LRP1B: variants seen among roughly 807,000 people sequenced by gnomAD.
LRP1B encodes the protein LDL receptor related protein 1B.
Under a neutral mutation model 556.6 loss-of-function variants are expected in LRP1B, and 217 were observed. That is an observed-to-expected ratio of 0.39 (90% confidence interval 0.35 to 0.44). LRP1B has a LOEUF of 0.44. Among genes scored for constraint, LRP1B ranks in the 20% least tolerant of loss-of-function variants. LRP1B has a pLI of 1.00. For missense variants in LRP1B, 5,053 were observed against 5,620.8 expected (o/e 0.90, Z 3.23); for synonymous variants, 2,047 against 1,865.8 (o/e 1.10, Z -2.50).
At chr2:141,572,632 T>C (rs1224093966) in intron 2 of LRP1B, among the ~76,000 whole-genome samples, 2 of 152,168 alleles carry the variant, frequency 1.3e-5, no homozygotes, top group Non-Finnish European at 2.9e-5. Context: ...AGACACAGAC[T>C]GGCAAATTGT....
chr2:141,327,780 T>G (rs1216994633), intron 3 of LRP1B, among the ~76,000 whole-genome samples: 1 of 152,088 alleles, frequency 6.6e-6, no homozygotes, highest in East Asian at 1.9e-4. Context: ...TAGGCTGTAG[T>G]TTGGAAGCAT....
intron 1 of LRP1B, among the ~76,000 whole-genome samples, chr2:141,812,686 A>G (rs1321140079): frequency 6.6e-6 from 1 of 152,106 alleles, no homozygotes; most frequent in Non-Finnish European, 1.5e-5. Context: ...GCCATGGAAA[A>G]TACTTAAGAA....
At position 140,536,474 on chromosome 2, in the gene LRP1B, A is replaced by G. The variant is rs1690977829; in HGVS notation, c.7642+107T>C. ...TGCCTTAGATACAGGTTAATGAGAG[A>G]CATTAAATAAATTATCCACGTAAAC... On this transcript the variant is annotated intron_variant, in intron 46 of 90. Coordinates refer to ENST00000389484, the MANE Select transcript of LRP1B (RefSeq NM_018557.3). The G allele has an allele frequency of 7.6e-6, 8 of 1,056,914 alleles. No homozygotes were observed. In the South Asian group the frequency reaches 1.0e-4, roughly 14 times the overall value. The allele number at this position is 1,056,914 out of a possible 1,614,324, so 65.5% of individuals were successfully genotyped here. A position where few individuals can be genotyped will look rare whatever the true frequency, so the allele number is the denominator to read the frequency against.
At chr2:141,017,706 T>C (rs2105393021) in intron 12 of LRP1B, among the ~76,000 whole-genome samples, 1 of 151,838 alleles carries the variant, frequency 6.6e-6, no homozygotes, top group Middle Eastern at 3.4e-3. Context: ...CTTAAATATA[T>C]ATTGTGGGCC....
At position 140,345,879 on chromosome 2, in the gene LRP1B, A is replaced by ATAT. The variant is rs1426120597; in HGVS notation, c.11892+4917_11892+4918insATA. ...ACACACACATATATATATATATATAAAAAAAATAGCATTACTTCTTTCTCA... is the reference window on the plus strand; with the variant it reads ...ACACACACATATATATATATATATAATATAAAAAATAGCATTACTTCTTTCTCA... On this transcript the variant is annotated intron_variant, in intron 77 of 90. Coordinates refer to ENST00000389484, the MANE Select transcript of LRP1B (RefSeq NM_018557.3). Among the ~76,000 whole-genome samples the ATAT allele has an allele frequency of 7.0e-3, 965 of 137,436 alleles. 23 individuals carry two copies. Among genetic ancestry groups the ATAT allele is most frequent in the African/African-American group, 0.017 (632 of 37,390 alleles). 90.2% of individuals were successfully genotyped at this position (137,436 alleles called of 152,430 possible). A position where few individuals can be genotyped will look rare whatever the true frequency, so the allele number is the denominator to read the frequency against.
At chr2:141,341,778 T>C (rs1688064471) in intron 3 of LRP1B, among the ~76,000 whole-genome samples, 1 of 152,178 alleles carries the variant, frequency 6.6e-6, no homozygotes, top group African/African-American at 2.4e-5. Context: ...TTTTAAAAGA[T>C]GTCAGCATCA....
intron 3 of LRP1B, among the ~76,000 whole-genome samples, chr2:141,451,908 C>A (rs4132921): frequency 0.42 from 64,277 of 151,898 alleles, 14,873 homozygotes; most frequent in East Asian, 0.67. Context: ...AAAAACAATA[C>A]ATTCAGTTTT....
At chr2:141,466,592 T>C (rs892991640) in intron 3 of LRP1B, among the ~76,000 whole-genome samples, 1 of 152,150 alleles carries the variant, frequency 6.6e-6, no homozygotes, top group Admixed American at 6.6e-5. Context: ...GAAAGCTCCT[T>C]AAGAAGAAAA....
intron 11 of LRP1B, among the ~76,000 whole-genome samples, chr2:141,024,139 A>C (rs949607850): frequency 3.9e-5 from 6 of 152,010 alleles, no homozygotes; most frequent in African/African-American, 7.2e-5. Flanking sequence ...TGAGGGAATG[A>C]CATTGATTTA....
intron 1 of LRP1B, among the ~76,000 whole-genome samples, chr2:142,093,486 C>A (rs1027161441): frequency 6.6e-6 from 1 of 152,072 alleles, no homozygotes; most frequent in African/African-American, 2.4e-5. Flanking sequence ...AGGGAATAAA[C>A]GTGATAGGCA....
intron 8 of LRP1B, 81 bp from the exon 9 acceptor site, chr2:141,059,135 G>T: frequency 1.1e-6 from 1 of 904,570 alleles, no homozygotes; most frequent in Non-Finnish European, 1.6e-6. Flanking sequence ...CTATTTACTA[G>T]TATGGAAAAT....
chr2:140,664,297 G>A (rs933973323), intron 41 of LRP1B, among the ~76,000 whole-genome samples: 2 of 152,182 alleles, frequency 1.3e-5, no homozygotes, highest in Admixed American at 6.5e-5. Context: ...CATGACCTTC[G>A]ACATGCAAAA....
chr2:140,346,398 A>C (rs1346191949), intron 77 of LRP1B, among the ~76,000 whole-genome samples: 1 of 151,838 alleles, frequency 6.6e-6, no homozygotes, highest in Non-Finnish European at 1.5e-5. Context: ...TTTTGACTAG[A>C]TCATAACTGT....
intron 11 of LRP1B, among the ~76,000 whole-genome samples, chr2:141,034,685 A>C (rs1698478126): frequency 6.7e-6 from 1 of 150,134 alleles, no homozygotes; most frequent in Admixed American, 6.6e-5. Flanking sequence ...TAGAATGGCA[A>C]TCATTAAAAA....
chr2:141,467,841 G>C (rs1682298640), intron 3 of LRP1B, among the ~76,000 whole-genome samples: 1 of 106,286 alleles, frequency 9.4e-6, no homozygotes. Flanking sequence ...TTGCGGACCG[G>C]GGGGGGGGGA....
intron 43 of LRP1B, among the ~76,000 whole-genome samples, chr2:140,544,944 C>A (rs1049352104): frequency 2.6e-5 from 4 of 151,972 alleles, no homozygotes; most frequent in East Asian, 3.9e-4. Flanking sequence ...TCTCTACAAC[C>A]TTGGCAGCAT....
rs74376371 is a variant in LRP1B, at chr2:141,583,250, C to T, written c.206-102717G>A. 6.1e-3 allele frequency among the ~76,000 whole-genome samples: 932 copies of T among 152,148 alleles called. 8 individuals are homozygous for T. The highest frequency in any genetic ancestry group is 0.022 in the African/African-American group (898 of 41,516). On this transcript the variant is annotated intron_variant, in intron 2 of 90. Transcript: ENST00000389484. Reference sequence around the variant, plus strand: ...TTGTATGGAAATCTGGAATGAGTAGCAAGCTGAATATAAATGAATAAAGCA... The same window carrying T: ...TTGTATGGAAATCTGGAATGAGTAGTAAGCTGAATATAAATGAATAAAGCA...
chr2:141,810,926 T>C (rs150352360), intron 1 of LRP1B, among the ~76,000 whole-genome samples: 2 of 152,164 alleles, frequency 1.3e-5, no homozygotes, highest in African/African-American at 4.8e-5. Flanking sequence ...CACAGTATTT[T>C]CTTTTTTTTT....
chr2:141,727,851 G>GT (rs1693101001), intron 2 of LRP1B, among the ~76,000 whole-genome samples: 1 of 151,950 alleles, frequency 6.6e-6, no homozygotes, highest in Admixed American at 6.6e-5. Context: ...ATCTCACAGA[G>GT]TATCTCCTCA....
Sources: allele counts gnomAD v4.1 joint callset (sites outside exome capture counted in the v4.1 genomes callset), GRCh38; gene constraint gnomAD v4.1.1; transcripts MANE v1.5; gene names NCBI Gene and HGNC (gene_info 2026-07-23, HGNC 2026-07-21).